The following KIF1A variants were observed in gnomAD, a reference collection of about 807,000 sequenced individuals.
The protein encoded by KIF1A is kinesin family member 1A.
KIF1A carries 46 observed loss-of-function variants against 227.3 expected under a neutral mutation model. That is an observed-to-expected ratio of 0.20 (90% CI 0.16 to 0.26). The LOEUF is 0.26. KIF1A is among the 10% of genes least tolerant of loss of function. KIF1A has a pLI of 1.00. For missense variants in KIF1A, 1,683 were observed against 2,485.9 expected, an observed-to-expected ratio of 0.68 and a Z score of 6.87; for synonymous variants, 1,022 against 1,012.8, an observed-to-expected ratio of 1.01 and a Z score of -0.17.
At chr2:240,809,959 CTATTTTTATTTT>C (rs796842489) in intron 1 of KIF1A, among the ~76,000 whole-genome samples, 1 of 151,630 alleles carries the variant, frequency 6.6e-6, no homozygotes, top group East Asian at 1.9e-4. Flanking sequence ...GCCATCACAC[CTATTTTTATTTT>C]TATTTTTATT....
chr2:240,813,470 C>A (rs1363548737), intron 1 of KIF1A, among the ~76,000 whole-genome samples: 2 of 152,208 alleles, frequency 1.3e-5, no homozygotes, highest in Admixed American at 1.3e-4. Flanking sequence ...GCCCGCACCC[C>A]CAGCCCCGCC....
At chr2:240,742,543 C>T (rs552746160) in intron 34 of KIF1A, among the ~76,000 whole-genome samples, 6 of 152,294 alleles carry the variant, frequency 3.9e-5, no homozygotes, top group East Asian at 1.9e-4. Flanking sequence ...TACTTCTCCC[C>T]GACTGACCCC....
In KIF1A at chr2:240,760,750, G is replaced by A. The variant is rs756664454; in HGVS notation, c.2359C>T (p.Arg787Trp). Residue 787 changes from arginine to tryptophan, a missense_variant, in exon 25 of 49, where the codon CGG becomes TGG. Physicochemically the swap from Arg to Trp is moderately radical, Grantham distance 101. Transcript: ENST00000498729. The stretch of plus-strand genomic sequence containing the variant: ...GCCACAATGGTGCGGGGGAAGGGCC[G>A]CGTCTCTCGGTCTTTGGCGGCCTCT... ...PPEAAKDRET[R>W]PFPRTIVAVE... 56 of 1,600,318 alleles carry A rather than the reference G, an allele frequency of 3.5e-5. No homozygotes were observed. The highest frequency in any genetic ancestry group is 3.8e-5 in the Non-Finnish European group (45 of 1,173,776).
chr2:240,757,239 C>A lies in KIF1A; in HGVS notation c.2858+80G>T. 4 of 1,394,544 alleles carry A rather than the reference C, an allele frequency of 2.9e-6. No individual in the cohort carries two copies. The highest frequency in any genetic ancestry group is 3.0e-6 in the Non-Finnish European group (3 of 1,016,500). 86.4% of individuals were successfully genotyped at this position (1,394,544 alleles called of 1,614,324 possible). On this transcript the variant is annotated intron_variant, in intron 27 of 48. Transcript: ENST00000498729. This position sits in a 1 kb window ranked among gnomAD's most constrained non-coding sequence, Gnocchi z 6.2. Reference sequence around the variant, plus strand: ...TGGGAGGGCCCGGGCCAGGCCCCAGCGGTTCCTCTGTGCCCGCAGCAGTGC... The same window carrying A: ...TGGGAGGGCCCGGGCCAGGCCCCAGAGGTTCCTCTGTGCCCGCAGCAGTGC...
intron 28 of KIF1A, among the ~76,000 whole-genome samples, chr2:240,749,714 G>A (rs1295992255): frequency 1.3e-5 from 2 of 152,210 alleles, no homozygotes. Flanking sequence ...AACGGATCCC[G>A]TTTACATGTG....
Position 240,789,727 on chromosome 2 carries a change from G to A in KIF1A, c.107-415C>T, listed in dbSNP as rs746657415. Among the ~76,000 whole-genome samples the A allele has an allele frequency of 8.5e-5, 13 of 152,096 alleles. No homozygotes were observed. The highest frequency in any genetic ancestry group is 1.5e-4 in the Non-Finnish European group (10 of 68,010). ...CTTTATGCTCCGGCTCAGCGTGCAC[G>A]TGCCCGAGAAGCGCTGGAAGCCTGG... On this transcript the variant is annotated intron_variant, in intron 2 of 48. Coordinates refer to ENST00000498729, the MANE Select transcript of KIF1A (RefSeq NM_001244008.2). This position sits in a 1 kb window ranked among gnomAD's most constrained non-coding sequence, Gnocchi z 4.8.
At chr2:240,776,886 C>T (rs1341420602) in intron 10 of KIF1A, among the ~76,000 whole-genome samples, 1 of 152,184 alleles carries the variant, frequency 6.6e-6, no homozygotes, top group African/African-American at 2.4e-5. Flanking sequence ...CTTGAGACTC[C>T]CAGTCAAAGG....
At position 240,789,321 on chromosome 2, in the gene KIF1A, G is replaced by A. The variant is rs759466113; in HGVS notation, c.107-9C>T. The A allele has an allele frequency of 1.4e-5, 22 of 1,611,468 alleles. No homozygotes were observed. The highest frequency in any genetic ancestry group is 1.9e-5 in the Non-Finnish European group (22 of 1,177,708). ...TTTGGGGTTAACAATGGCTGTGGGA[G>A]GGAACACAGGTGGTTAGCGCTGTGC... On this transcript the variant is annotated splice_polypyrimidine_tract_variant and intron_variant, in intron 2 of 48. Transcript: ENST00000498729. The surrounding 1 kb of genome is among the most constrained non-coding windows in gnomAD (Gnocchi z 4.8).
chr2:240,721,834 G>A lies in KIF1A; in HGVS notation c.4716C>T (p.His1572=), dbSNP rs375640417. Residue 1572 remains histidine (H), a synonymous_variant, in exon 44 of 49, where the codon CAC becomes CAT. Coordinates refer to ENST00000498729, the MANE Select transcript of KIF1A (RefSeq NM_001244008.2). ...HTFNREYTHS[H]VCVSASESKL... is the part of the protein sequence containing the mutation. ...TGCTCTCGCTGGCACTGACGCAGAC[G>A]TGGCTGTGTGTGTACTCTCTGTTGA... 1.6e-5 allele frequency: 26 copies of A among 1,607,090 alleles called. No individual in the cohort carries two copies. Among genetic ancestry groups the A allele is most frequent in the Middle Eastern group, 1.7e-4 (1 of 6,060 alleles).
At position 240,726,666 on chromosome 2, in the gene KIF1A, AGTTTTT is replaced by A. The variant is rs1028766168; in HGVS notation, c.4122+154_4122+159del. On this transcript the variant is annotated intron_variant, in intron 39 of 48. Coordinates refer to ENST00000498729, the MANE Select transcript of KIF1A (RefSeq NM_001244008.2). This position sits in a 1 kb window ranked among gnomAD's most constrained non-coding sequence, Gnocchi z 5.2. ...ATTTATGGATTCAACCTTGCAGTCC[AGTTTTT>A]GTTTTTGTTTTTTAAAAGGCACACA... Among the ~76,000 whole-genome samples, 1 of 152,120 alleles carries A rather than the reference AGTTTTT, an allele frequency of 6.6e-6. No individual in the cohort carries two copies. The highest frequency in any genetic ancestry group is 1.5e-5 in the Non-Finnish European group (1 of 68,010).
At chr2:240,750,091 C>T (rs192258325) in intron 28 of KIF1A, among the ~76,000 whole-genome samples, 61 of 152,364 alleles carry the variant, frequency 4.0e-4, no homozygotes, top group Non-Finnish European at 5.9e-4. Context: ...AGGTGGAAAC[C>T]CCCAACCAGA....
chr2:240,812,239 C>G (rs1401562535), intron 1 of KIF1A, among the ~76,000 whole-genome samples: 1 of 152,164 alleles, frequency 6.6e-6, no homozygotes, highest in Non-Finnish European at 1.5e-5. Context: ...GCAGAAAAAG[C>G]CAAGTCCCTG....
At chr2:240,808,317 TCTTATATAC>T (rs2057587126) in intron 1 of KIF1A, among the ~76,000 whole-genome samples, 1 of 152,168 alleles carries the variant, frequency 6.6e-6, no homozygotes, top group Non-Finnish European at 1.5e-5. Flanking sequence ...TCAAGAACAT[TCTTATATAC>T]CTGATAAAGA....
At chr2:240,786,234 G>A in intron 6 of KIF1A, 101 bp downstream of exon 6, 1 of 1,197,278 alleles carries the variant, frequency 8.4e-7, no homozygotes, top group Non-Finnish European at 1.2e-6. Flanking sequence ...GGGCACAGAT[G>A]GACCCTACCA....
intron 2 of KIF1A, among the ~76,000 whole-genome samples, chr2:240,795,483 A>C (rs2056256936): frequency 6.6e-6 from 1 of 152,168 alleles, no homozygotes; most frequent in Non-Finnish European, 1.5e-5. Flanking sequence ...CTGGGGCATG[A>C]GGTCTCGGGT....
At chr2:240,732,121 A>G (rs1575537332) in intron 38 of KIF1A, among the ~76,000 whole-genome samples, 2 of 7,744 alleles carry the variant, frequency 2.6e-4, no homozygotes, top group South Asian at 4.9e-3. Context: ...AGGAGGGATG[A>G]GGGGAGGGGA....
At chr2:240,799,009 G>A (rs569414881) in intron 1 of KIF1A, among the ~76,000 whole-genome samples, 7 of 152,282 alleles carry the variant, frequency 4.6e-5, no homozygotes, top group Admixed American at 2.0e-4. Flanking sequence ...CTGCCTGGTC[G>A]TCCCCATCTG....
intron 10 of KIF1A, among the ~76,000 whole-genome samples, chr2:240,781,431 C>CCATA (rs2053949149): frequency 4.6e-5 from 1 of 21,934 alleles, no homozygotes; most frequent in Admixed American, 4.2e-4. Flanking sequence ...ACACACAGCT[C>CCATA]CACACACACA....
In KIF1A at chr2:240,767,348, G is replaced by A; in HGVS notation, c.1498-3C>T. ...TTCAGGTTGACGAGGTGTGGTGTCT[G>A]CAGGGAGACAGGAGGATCATCTCTC... On this transcript the variant is annotated splice_region_variant and splice_polypyrimidine_tract_variant and intron_variant, in intron 17 of 48. Coordinates refer to ENST00000498729, the MANE Select transcript of KIF1A (RefSeq NM_001244008.2). 1.9e-6 allele frequency: 3 copies of A among 1,611,674 alleles called. No homozygotes were observed. Among genetic ancestry groups the A allele is most frequent in the Non-Finnish European group, 2.5e-6 (3 of 1,178,140 alleles).
Sources: allele counts gnomAD v4.1 joint callset (sites outside exome capture counted in the v4.1 genomes callset), GRCh38; gene constraint gnomAD v4.1.1; non-coding constraint Gnocchi (gnomAD v3.1); transcripts MANE v1.5; gene names NCBI Gene and HGNC (gene_info 2026-07-23, HGNC 2026-07-21).